Variants in PBX1 observed in about 807,000 individuals in gnomAD.
The protein encoded by PBX1 is PBX homeobox 1, also known as pre-B-cell leukemia transcription factor 1.
PBX1 carries 6 observed loss-of-function variants against 53.4 expected under a neutral mutation model. That is an observed-to-expected ratio of 0.11 (90% CI 0.06 to 0.22). The LOEUF is 0.22. Among genes scored for constraint, PBX1 ranks in the 10% least tolerant of loss-of-function variants. The pLI is 1.00. For synonymous variants in PBX1, 204 were observed against 212.3 expected, an observed-to-expected ratio of 0.96 and a Z score of 0.34; for missense variants, 251 against 551.4, an observed-to-expected ratio of 0.46 and a Z score of 5.46.
chr1:164,603,814 T>C (rs1018313858), intron 2 of PBX1, among the ~76,000 whole-genome samples: 2 of 152,148 alleles, frequency 1.3e-5, no homozygotes, highest in African/African-American at 4.8e-5. Flanking sequence ...TGTTTTATAC[T>C]TTTCAGTTTA....
Position 164,822,593 on chromosome 1 carries a change from T to C in PBX1, c.1200+967T>C, listed in dbSNP as rs141080778. On this transcript the variant is annotated intron_variant, in intron 8 of 8. Coordinates refer to ENST00000420696, the MANE Select transcript of PBX1 (RefSeq NM_002585.4). ...GGAGGTGATGACCTCTTCAACTGCG[T>C]TGGTCAAGTCATACATGATTCTGTC... Among the ~76,000 whole-genome samples the C allele has an allele frequency of 4.6e-5, 7 of 152,326 alleles. No homozygotes were observed. In the East Asian group the frequency reaches 1.4e-3, roughly 29 times the overall value.
intron 2 of PBX1, among the ~76,000 whole-genome samples, chr1:164,728,623 A>G (rs1664824022): frequency 6.6e-6 from 1 of 152,236 alleles, no homozygotes; most frequent in Non-Finnish European, 1.5e-5. Context: ...AGAAATGCAG[A>G]AAATATGGGC....
At chr1:164,753,905 G>T (rs1386564098) in intron 2 of PBX1, among the ~76,000 whole-genome samples, 1 of 152,208 alleles carries the variant, frequency 6.6e-6, no homozygotes, top group African/African-American at 2.4e-5. Context: ...ACCTCTGAAG[G>T]TGGCAGGAGT....
intron 1 of PBX1, among the ~76,000 whole-genome samples, chr1:164,562,047 CT>C (rs1218399101): frequency 1.3e-5 from 2 of 151,386 alleles, no homozygotes; most frequent in Non-Finnish European, 2.9e-5. Context: ...ATAGTATGTC[CT>C]TTTTTCCTTT....
At chr1:164,572,299 A>G (rs1026287944) in intron 2 of PBX1, among the ~76,000 whole-genome samples, 2 of 151,988 alleles carry the variant, frequency 1.3e-5, no homozygotes, top group African/African-American at 4.8e-5. Context: ...CATTCTTTTC[A>G]ATCTCTTTCT....
At chr1:164,678,755 G>C (rs1661581842) in intron 2 of PBX1, among the ~76,000 whole-genome samples, 1 of 152,082 alleles carries the variant, frequency 6.6e-6, no homozygotes, top group Admixed American at 6.6e-5. Flanking sequence ...CAGTGCTAAG[G>C]AAACCACAGC....
chr1:164,695,844 C>T (rs1218977728), intron 2 of PBX1, among the ~76,000 whole-genome samples: 2 of 152,264 alleles, frequency 1.3e-5, no homozygotes, highest in African/African-American at 2.4e-5. Context: ...AGTCCTAGCT[C>T]GTCTATAATG....
chr1:164,782,889 C>T (rs1558005231), intron 2 of PBX1, among the ~76,000 whole-genome samples: 1 of 152,202 alleles, frequency 6.6e-6, no homozygotes, highest in African/African-American at 2.4e-5. Context: ...TCACAGATCC[C>T]ACCCAGAATC....
intron 2 of PBX1, among the ~76,000 whole-genome samples, chr1:164,631,501 T>C (rs1454891228): frequency 4.6e-5 from 7 of 152,206 alleles, no homozygotes; most frequent in Non-Finnish European, 7.3e-5. Flanking sequence ...GTACAAAGCA[T>C]AAATAATCCA....
intron 2 of PBX1, among the ~76,000 whole-genome samples, chr1:164,870,339 T>TTCTTTCTTTCTTTCTC (rs1672347416): frequency 8.1e-6 from 1 of 123,118 alleles, no homozygotes; most frequent in Non-Finnish European, 1.7e-5. Context: ...CTTTCTTTCT[T>TTCTTTCTTTCTTTCTC]TCTTTCTTTC....
intron 2 of PBX1, among the ~76,000 whole-genome samples, chr1:164,698,591 G>A (rs1662923271): frequency 1.3e-5 from 2 of 152,104 alleles, no homozygotes; most frequent in Admixed American, 1.3e-4. Context: ...CTGAGAGCCA[G>A]GATGCTAGCA....
intron 3 of PBX1, among the ~76,000 whole-genome samples, chr1:164,794,130 C>T (rs945591038): frequency 6.6e-6 from 1 of 152,072 alleles, no homozygotes; most frequent in African/African-American, 2.4e-5. Flanking sequence ...CTGCTTCGGC[C>T]TTCTAAAGTG....
intron 3 of PBX1, among the ~76,000 whole-genome samples, chr1:164,797,642 T>C (rs1668854107): frequency 6.6e-6 from 1 of 152,216 alleles, no homozygotes; most frequent in Non-Finnish European, 1.5e-5. Flanking sequence ...CCACCTTTAC[T>C]TTTACCAAGA....
intron 2 of PBX1, among the ~76,000 whole-genome samples, chr1:164,718,243 G>A (rs1438067078): frequency 6.6e-6 from 1 of 152,138 alleles, no homozygotes; most frequent in Non-Finnish European, 1.5e-5. Flanking sequence ...TGCATTGTTG[G>A]CATTGCAGCA....
At chr1:164,736,134 C>T in intron 2 of PBX1, among the ~76,000 whole-genome samples, 1 of 152,174 alleles carries the variant, frequency 6.6e-6, no homozygotes, top group East Asian at 1.9e-4. Flanking sequence ...CCCCATCCAG[C>T]CTCTTCCCAC....
At chr1:164,829,794 A>G (rs536493589) in intron 8 of PBX1, 3 of 152,142 alleles carry the variant, frequency 2.0e-5, no homozygotes, top group Non-Finnish European at 4.4e-5. Context: ...ATTAAAAAAA[A>G]AAAAAGTATT....
chr1:164,808,640 C>T (rs886797177), intron 5 of PBX1, among the ~76,000 whole-genome samples: 1 of 152,080 alleles, frequency 6.6e-6, no homozygotes, highest in Non-Finnish European at 1.5e-5. Flanking sequence ...AGCATCTGTA[C>T]CTCCTTGAAT....
At chr1:164,569,136 T>A (rs1016656947) in intron 2 of PBX1, among the ~76,000 whole-genome samples, 14 of 152,312 alleles carry the variant, frequency 9.2e-5, no homozygotes, top group Admixed American at 3.9e-4. Context: ...TATAAGACCA[T>A]AGAAAAGTTG....
intron 2 of PBX1, among the ~76,000 whole-genome samples, chr1:164,751,880 C>A (rs1666247338): frequency 6.6e-6 from 1 of 152,066 alleles, no homozygotes; most frequent in Non-Finnish European, 1.5e-5. Flanking sequence ...CCACGCCCGG[C>A]CAGTTTATTG....
Sources: allele counts gnomAD v4.1 joint callset (sites outside exome capture counted in the v4.1 genomes callset), GRCh38; gene constraint gnomAD v4.1.1; transcripts MANE v1.5; gene names NCBI Gene and HGNC (gene_info 2026-07-23, HGNC 2026-07-21).